CCDC146: variants seen among roughly 807,000 people sequenced by gnomAD.
CCDC146 encodes coiled-coil domain containing 146, also known as coiled-coil domain-containing protein 146.
Under a neutral mutation model 119.3 loss-of-function variants are expected in CCDC146, and 92 were observed. The ratio of observed to expected loss-of-function variants is 0.77; its 90% confidence interval spans 0.65 to 0.92. The LOEUF (loss-of-function observed/expected upper bound fraction) is 0.92, where lower values mean the gene tolerates loss of function less well. CCDC146 is among the 40% of genes least tolerant of loss of function. CCDC146 has a pLI of 0.00. For missense variants in CCDC146, 1,000 were observed against 1,103.0 expected, an observed-to-expected ratio of 0.91 and a Z score of 1.32; for synonymous variants, 372 against 371.8, an observed-to-expected ratio of 1.00 and a Z score of -0.01.
intron 1 of CCDC146, among the ~76,000 whole-genome samples, chr7:77,165,243 G>A (rs1791323287): frequency 6.6e-6 from 1 of 152,038 alleles, no homozygotes; most frequent in Admixed American, 6.5e-5. Flanking sequence ...CAGCCTCATA[G>A]ATGTATGACC....
At chr7:77,130,510 T>C (rs940531814) in intron 1 of CCDC146, among the ~76,000 whole-genome samples, 1 of 152,052 alleles carries the variant, frequency 6.6e-6, no homozygotes, top group Non-Finnish European at 1.5e-5. Flanking sequence ...ACCAGATTGA[T>C]TACTTACTAA....
At chr7:77,211,593 A>C (rs1028525856) in intron 2 of CCDC146, among the ~76,000 whole-genome samples, 1 of 151,688 alleles carries the variant, frequency 6.6e-6, no homozygotes. Flanking sequence ...TGCTGCTTCT[A>C]TTTTATTTTT....
At chr7:77,274,395 G>C in intron 10 of CCDC146, 87 bp from the exon 11 acceptor site, 2 of 882,460 alleles carry the variant, frequency 2.3e-6, no homozygotes, top group Non-Finnish European at 3.4e-6. Flanking sequence ...TTTTGTATAG[G>C]AAGTAAAAAG....
chr7:77,186,218 A>C (rs1463374990), intron 2 of CCDC146, among the ~76,000 whole-genome samples: 1 of 152,186 alleles, frequency 6.6e-6, no homozygotes, highest in Non-Finnish European at 1.5e-5. Flanking sequence ...ACTATTCATA[A>C]TAGCCCAGGT....
chr7:77,177,700 C>T (rs1791520904), intron 2 of CCDC146, among the ~76,000 whole-genome samples: 1 of 152,212 alleles, frequency 6.6e-6, no homozygotes, highest in Non-Finnish European at 1.5e-5. Flanking sequence ...TCACCCCTCA[C>T]TAACAGCTGT....
At chr7:77,280,751 G>A in intron 14 of CCDC146, 98 bp downstream of exon 14, 1 of 819,616 alleles carries the variant, frequency 1.2e-6, no homozygotes, top group Non-Finnish European at 1.9e-6. Flanking sequence ...AGGGAAATGT[G>A]ATATTCAGGT....
At chr7:77,180,289 C>T (rs566837170) in intron 2 of CCDC146, among the ~76,000 whole-genome samples, 1 of 152,236 alleles carries the variant, frequency 6.6e-6, no homozygotes, top group South Asian at 2.1e-4. Flanking sequence ...CACACACACA[C>T]ACACACCCCA....
At chr7:77,174,792 AT>A in intron 2 of CCDC146, among the ~76,000 whole-genome samples, 1 of 152,314 alleles carries the variant, frequency 6.6e-6, no homozygotes, top group Non-Finnish European at 1.5e-5. Context: ...AAAATGGATT[AT>A]TTCCTGTTTT....
At chr7:77,126,485 G>C (rs1425308267) in intron 1 of CCDC146, among the ~76,000 whole-genome samples, 2 of 151,986 alleles carry the variant, frequency 1.3e-5, no homozygotes, top group Admixed American at 6.5e-5. Context: ...CCCACAGTGG[G>C]TAGCTCCTCT....
intron 2 of CCDC146, among the ~76,000 whole-genome samples, chr7:77,229,651 A>G (rs1792581530): frequency 6.6e-6 from 1 of 152,072 alleles, no homozygotes; most frequent in African/African-American, 2.4e-5. Context: ...AGGCTATTTA[A>G]TGGACAAAGC....
chr7:77,154,969 C>T (rs1791160375), intron 1 of CCDC146, among the ~76,000 whole-genome samples: 1 of 152,152 alleles, frequency 6.6e-6, no homozygotes, highest in African/African-American at 2.4e-5. Context: ...AGATTGCACC[C>T]AAACAGGCAG....
intron 11 of CCDC146, among the ~76,000 whole-genome samples, chr7:77,275,199 T>C (rs1358628328): frequency 6.6e-6 from 1 of 152,016 alleles, no homozygotes; most frequent in East Asian, 1.9e-4. Flanking sequence ...ATACAAAACC[T>C]GCAAATATGG....
intron 2 of CCDC146, among the ~76,000 whole-genome samples, chr7:77,201,235 A>AT (rs1380478343): frequency 6.6e-6 from 1 of 152,132 alleles, no homozygotes; most frequent in Middle Eastern, 3.2e-3. Flanking sequence ...TACAGGAATG[A>AT]TAGTCATGCA....
intron 2 of CCDC146, among the ~76,000 whole-genome samples, chr7:77,210,611 AG>A (rs1349061772): frequency 6.6e-6 from 1 of 152,244 alleles, no homozygotes; most frequent in African/African-American, 2.4e-5. Flanking sequence ...TTAACTTTAT[AG>A]AAATGCCCCA....
intron 11 of CCDC146, among the ~76,000 whole-genome samples, chr7:77,277,211 T>G (rs185802962): frequency 5.1e-4 from 77 of 152,288 alleles, no homozygotes; most frequent in Admixed American, 2.9e-3. Context: ...AAGTGAGTCT[T>G]TCCTAGTTAG....
intron 1 of CCDC146, among the ~76,000 whole-genome samples, chr7:77,150,201 C>A: frequency 6.7e-6 from 1 of 150,108 alleles, no homozygotes; most frequent in Non-Finnish European, 1.5e-5. Flanking sequence ...AAAGTGTGAA[C>A]CACAAAAGAA....
At chr7:77,274,370 G>T (rs1793584915) in intron 10 of CCDC146, 112 bp from the exon 11 acceptor site, 2 of 771,918 alleles carry the variant, frequency 2.6e-6, no homozygotes, top group Admixed American at 3.1e-5. Flanking sequence ...CACCTGGCCT[G>T]TTTAAAAAAA....
intron 17 of CCDC146, among the ~76,000 whole-genome samples, chr7:77,287,902 T>C (rs10253007): frequency 0.11 from 17,488 of 152,238 alleles, 1,126 homozygotes; most frequent in African/African-American, 0.16. Context: ...TCCTTTTAAG[T>C]GGAGCGCCTC....
intron 15 of CCDC146, among the ~76,000 whole-genome samples, chr7:77,285,542 C>T (rs543428574): frequency 1.3e-5 from 2 of 152,312 alleles, no homozygotes; most frequent in South Asian, 4.1e-4. Context: ...TATATTATCT[C>T]ATATGATGGA....
Sources: gnomAD v4.1 joint callset for allele counts (sites outside exome capture counted in the v4.1 genomes callset) on GRCh38, gnomAD v4.1.1 for gene constraint, MANE v1.5 for transcripts, NCBI Gene and HGNC (gene_info 2026-07-23, HGNC 2026-07-21) for gene names.